The following SPSB4 variants were observed in gnomAD, a reference collection of about 807,000 sequenced individuals.
SPSB4 encodes splA/ryanodine receptor domain and SOCS box containing 4.
A neutral mutation model predicts 20.9 loss-of-function variants in SPSB4; 21 were observed. That is an observed-to-expected ratio of 1.01 (90% CI 0.71 to 1.45). The LOEUF is 1.45. SPSB4 is among the 40% of genes most tolerant of loss of function. The probability of loss-of-function intolerance (pLI) is 0.00; values close to 1 mark genes in which losing one functional copy is unlikely to be tolerated. For missense variants in SPSB4, 399 were observed against 399.2 expected (o/e 1.00, Z 0.00); for synonymous variants, 207 against 183.8 (o/e 1.13, Z -1.02).
chr3:141,072,612 G>A (rs1026285369), intron 2 of SPSB4, among the ~76,000 whole-genome samples: 3 of 152,144 alleles, frequency 2.0e-5, no homozygotes, highest in East Asian at 1.9e-4. Context: ...AGCAGAAGCC[G>A]TGCCATGTTT....
At chr3:141,143,149 A>C (rs541642452) in intron 2 of SPSB4, among the ~76,000 whole-genome samples, 1 of 151,500 alleles carries the variant, frequency 6.6e-6, no homozygotes, top group South Asian at 2.1e-4. Flanking sequence ...TGTTGCTTTA[A>C]AACCTGTTTT....
chr3:141,073,181 G>A (rs1334299775), intron 2 of SPSB4, among the ~76,000 whole-genome samples: 1 of 152,144 alleles, frequency 6.6e-6, no homozygotes, highest in Admixed American at 6.5e-5. Flanking sequence ...ATAATTATAT[G>A]TACCTTTCAG....
chr3:141,079,177 C>T (rs1045878226), intron 2 of SPSB4, among the ~76,000 whole-genome samples: 23 of 151,384 alleles, frequency 1.5e-4, no homozygotes, highest in African/African-American at 5.6e-4. Flanking sequence ...AGGAGGATGG[C>T]GTGAACCCGG....
chr3:141,086,576 A>G (rs1938344341), intron 2 of SPSB4, among the ~76,000 whole-genome samples: 1 of 152,184 alleles, frequency 6.6e-6, no homozygotes, highest in South Asian at 2.1e-4. Context: ...ATGGTACAGT[A>G]TTTGGATCCA....
At chr3:141,092,766 C>T (rs1012026188) in intron 2 of SPSB4, among the ~76,000 whole-genome samples, 1 of 152,228 alleles carries the variant, frequency 6.6e-6, no homozygotes, top group Non-Finnish European at 1.5e-5. Context: ...ATTCCCTGCA[C>T]GGGAAGGGAA....
rs113396573 is a variant in SPSB4, at chr3:141,115,273, A to G, written c.695-31869A>G. The G allele has an allele frequency of 9.6e-4, 146 of 152,316 alleles. 3 individuals carry two copies. The highest frequency in any genetic ancestry group is 3.4e-3 in the African/African-American group (143 of 41,554). 9.4% of individuals were successfully genotyped at this position (152,316 alleles called of 1,614,324 possible). A position where few individuals can be genotyped will look rare whatever the true frequency, so the allele number is the denominator to read the frequency against. ...CCGATCTCTGGCAGCTTACTGAGGG[A>G]CCAGCTGTCCCCAGTGGCGTTGGCA... is the stretch of plus-strand genomic sequence containing the variant. On this transcript the variant is annotated intron_variant, in intron 2 of 2. Coordinates refer to ENST00000310546, the MANE Select transcript of SPSB4 (RefSeq NM_080862.3).
chr3:141,092,047 A>G (rs1938460509), intron 2 of SPSB4, among the ~76,000 whole-genome samples: 1 of 152,202 alleles, frequency 6.6e-6, no homozygotes, highest in South Asian at 2.1e-4. Context: ...GGAAGCTATG[A>G]ACCCAGAGCT....
intron 2 of SPSB4, among the ~76,000 whole-genome samples, chr3:141,131,335 G>A (rs777422821): frequency 3.9e-5 from 6 of 152,164 alleles, no homozygotes; most frequent in Non-Finnish European, 8.8e-5. Context: ...ACTTCTGTCA[G>A]TGATTTTTTT....
chr3:141,065,624 G>A (rs1022367663), intron 1 of SPSB4, among the ~76,000 whole-genome samples: 1 of 152,244 alleles, frequency 6.6e-6, no homozygotes, highest in African/African-American at 2.4e-5. Context: ...GATGACCTTG[G>A]TTTGAATCTT....
At chr3:141,140,972 CTCCACCCAGT>C (rs966869091) in intron 2 of SPSB4, among the ~76,000 whole-genome samples, 1 of 152,220 alleles carries the variant, frequency 6.6e-6, no homozygotes, top group African/African-American at 2.4e-5. Context: ...CTGTGGTGGG[CTCCACCCAGT>C]TTGAGCTTCC....
At chr3:141,147,011 T>C in intron 2 of SPSB4, 131 bp from the exon 3 acceptor site, 1 of 1,263,690 alleles carries the variant, frequency 7.9e-7, no homozygotes, top group Non-Finnish European at 1.1e-6. Context: ...AGAAATCTTC[T>C]CCAAGGAGAA....
intron 2 of SPSB4, among the ~76,000 whole-genome samples, chr3:141,112,644 C>CAAAAAAAAAAAAAAA (rs60396514): frequency 1.4e-3 from 47 of 32,870 alleles, no homozygotes; most frequent in South Asian, 1.7e-3. Flanking sequence ...GACTCCGTCT[C>CAAAAAAAAAAAAAAA]AAAAAAAAAA....
chr3:141,090,771 A>G (rs1938437335), intron 2 of SPSB4, among the ~76,000 whole-genome samples: 1 of 152,190 alleles, frequency 6.6e-6, no homozygotes, highest in Non-Finnish European at 1.5e-5. Flanking sequence ...TAGGTTTTAA[A>G]AGGATCACTT....
intron 2 of SPSB4, among the ~76,000 whole-genome samples, chr3:141,121,015 T>C (rs1371225698): frequency 6.7e-6 from 1 of 150,198 alleles, no homozygotes; most frequent in East Asian, 2.0e-4. Context: ...TTCGATGCTC[T>C]TTACAACTTG....
chr3:141,090,523 A>G (rs1465958523), intron 2 of SPSB4, among the ~76,000 whole-genome samples: 1 of 152,084 alleles, frequency 6.6e-6, no homozygotes, highest in Non-Finnish European at 1.5e-5. Context: ...GAAAGAGGGG[A>G]GGGAGTGAGC....
intron 2 of SPSB4, 30 bp from the exon 3 acceptor site, chr3:141,147,112 C>T (rs1372139842): frequency 6.2e-7 from 1 of 1,612,454 alleles, no homozygotes; most frequent in Non-Finnish European, 8.5e-7. Flanking sequence ...TGGCACAGGG[C>T]ACACTCTAAC....
At chr3:141,057,857 G>C (rs376977820) in intron 1 of SPSB4, among the ~76,000 whole-genome samples, 1 of 152,176 alleles carries the variant, frequency 6.6e-6, no homozygotes, top group African/African-American at 2.4e-5. Context: ...AATTCCAGTG[G>C]TATCTAACTG....
At chr3:141,134,644 T>C (rs377171461) in intron 2 of SPSB4, among the ~76,000 whole-genome samples, 5 of 152,318 alleles carry the variant, frequency 3.3e-5, no homozygotes, top group African/African-American at 1.2e-4. Context: ...TGTTAAACCA[T>C]CCCTGCATGC....
intron 2 of SPSB4, among the ~76,000 whole-genome samples, chr3:141,092,849 GCT>G (rs1938481276): frequency 6.6e-6 from 1 of 152,244 alleles, no homozygotes; most frequent in South Asian, 2.1e-4. Context: ...AGGAGGGACT[GCT>G]CTCCCATTTT....
Sources: allele counts gnomAD v4.1 joint callset (sites outside exome capture counted in the v4.1 genomes callset), GRCh38; gene constraint gnomAD v4.1.1; transcripts MANE v1.5; gene names NCBI Gene and HGNC (gene_info 2026-07-23, HGNC 2026-07-21).